Variants in SUPT6H observed in about 807,000 individuals in gnomAD.
SUPT6H encodes the protein SPT6 homolog, histone chaperone and transcription elongation factor.
SUPT6H carries 11 observed loss-of-function variants against 222.3 expected under a neutral mutation model. The observed-to-expected ratio is 0.05, with a 90% CI of 0.03 to 0.08. The LOEUF (loss-of-function observed/expected upper bound fraction) is 0.08, where lower values mean the gene tolerates loss of function less well. Among genes scored for constraint, SUPT6H ranks in the 10% least tolerant of loss-of-function variants. The pLI, the probability that SUPT6H is intolerant of heterozygous loss-of-function variation, is 1.00. For synonymous variants in SUPT6H, 762 were observed against 801.2 expected, an observed-to-expected ratio of 0.95 and a Z score of 0.83; for missense variants, 1,422 against 2,216.0, an observed-to-expected ratio of 0.64 and a Z score of 7.19.
chr17:28,686,262 T>C, intron 19 of SUPT6H, 77 bp from the exon 20 acceptor site: 1 of 1,328,184 alleles, frequency 7.5e-7, no homozygotes, highest in Non-Finnish European at 1.1e-6. Context: ...TTACAAGATC[T>C]CCAACATAGG....
intron 30 of SUPT6H, 118 bp from the exon 31 acceptor site, chr17:28,697,502 G>A (rs1176740557): frequency 2.7e-6 from 2 of 734,394 alleles, no homozygotes; most frequent in African/African-American, 1.8e-5. Context: ...GATAAACTGA[G>A]GGGACTTTGC....
intron 11 of SUPT6H, 173 bp from the exon 12 acceptor site, chr17:28,681,083 A>G (rs1018145304): frequency 1.5e-6 from 1 of 664,634 alleles, no homozygotes; most frequent in African/African-American, 1.8e-5. Flanking sequence ...TGGGCAACAG[A>G]GTGAGACCCT....
intron 30 of SUPT6H, 92 bp from the exon 31 acceptor site, chr17:28,697,528 C>T (rs1455486872): frequency 6.0e-6 from 6 of 993,648 alleles, no homozygotes. Flanking sequence ...ACTGAGAAGC[C>T]CATCCCCTCC....
chr17:28,695,015 G>A, intron 28 of SUPT6H: 1 of 242,478 alleles, frequency 4.1e-6, no homozygotes, highest in East Asian at 9.9e-5. Flanking sequence ...AAAAAGGAGG[G>A]GGGGTGTTGG....
At chr17:28,689,621 G>A (rs1398998658) in intron 25 of SUPT6H, 60 bp downstream of exon 25, 2 of 1,536,796 alleles carry the variant, frequency 1.3e-6, no homozygotes, top group African/African-American at 2.7e-5. Flanking sequence ...AGGTTGGTAG[G>A]AGACTTGGGC....
At chr17:28,674,043 G>A (rs532663544) in intron 2 of SUPT6H, among the ~76,000 whole-genome samples, 2 of 152,328 alleles carry the variant, frequency 1.3e-5, no homozygotes, top group South Asian at 2.1e-4. Context: ...AGAAGCCAAA[G>A]TGACGGGGAA....
intron 4 of SUPT6H, 31 bp downstream of exon 4, chr17:28,674,644 G>A (rs779609091): frequency 1.9e-6 from 3 of 1,606,566 alleles, no homozygotes; most frequent in African/African-American, 2.7e-5. Context: ...TTTGTCCCTG[G>A]GGGTAAAGGA....
At position 28,701,589 on chromosome 17, in the gene SUPT6H, C is replaced by A. The variant is rs781449462; in HGVS notation, c.5145C>A (p.Gly1715=). 6.2e-7 allele frequency: 1 copy of A among 1,613,466 alleles called. No homozygotes were observed. Among genetic ancestry groups the A allele is most frequent in the Admixed American group, 1.7e-5 (1 of 60,006 alleles). ...MIESTPMSIA[G]DATPLLDEMD... is the part of the protein sequence containing the mutation. ...AAAGCACCCCCATGTCCATTGCTGGCGATGCCACCCCACTCCTGGACGAGA... is the reference window on the plus strand; with the variant it reads ...AAAGCACCCCCATGTCCATTGCTGGAGATGCCACCCCACTCCTGGACGAGA... Residue 1715 remains glycine (G), a synonymous_variant, in exon 37 of 37, where the codon GGC becomes GGA. Coordinates refer to ENST00000314616, the MANE Select transcript of SUPT6H (RefSeq NM_003170.5).
At chr17:28,662,721 G>C (rs2072080172) in intron 1 of SUPT6H, among the ~76,000 whole-genome samples, 1 of 152,228 alleles carries the variant, frequency 6.6e-6, no homozygotes, top group Non-Finnish European at 1.5e-5. Flanking sequence ...TATGAATCCT[G>C]TGGAGCTTTC....
In SUPT6H at chr17:28,701,878, G is replaced by A. The variant is rs2032150916; in HGVS notation, c.*253G>A. On this transcript the variant is annotated 3_prime_UTR_variant, in exon 37 of 37. Coordinates refer to ENST00000314616, the MANE Select transcript of SUPT6H (RefSeq NM_003170.5). ...GGGACCAGGCTGGGAGGGGAGTGTG[G>A]CAGGGAGGAGGAAGAGGAAGGTGAG... 4.0e-6 allele frequency: 2 copies of A among 503,724 alleles called. No homozygotes were observed. The highest frequency in any genetic ancestry group is 6.9e-5 in the South Asian group (2 of 28,990). The allele number at this position is 503,724 out of a possible 1,614,324, so 31.2% of individuals were successfully genotyped here.
chr17:28,681,165 A>G (rs2031082463), intron 11 of SUPT6H, 91 bp from the exon 12 acceptor site: 3 of 1,420,948 alleles, frequency 2.1e-6, no homozygotes, highest in South Asian at 1.2e-5. Context: ...TAGTTGGGAT[A>G]CTGCCTTTTG....
intron 7 of SUPT6H, among the ~76,000 whole-genome samples, chr17:28,677,414 G>A (rs532069530): frequency 4.6e-5 from 7 of 151,442 alleles, no homozygotes; most frequent in East Asian, 1.9e-4. Context: ...GCGTGGTGGC[G>A]GGCACCTATG....
intron 27 of SUPT6H, among the ~76,000 whole-genome samples, chr17:28,693,171 A>G (rs2031750889): frequency 6.6e-6 from 1 of 151,562 alleles, no homozygotes; most frequent in Non-Finnish European, 1.5e-5. Flanking sequence ...CTGTCATAAG[A>G]AAAAGATGGC....
In SUPT6H at chr17:28,682,749, G is replaced by T. The variant is rs143056714; in HGVS notation, c.1620G>T (p.Gly540=). The change falls in exon 14 of 37, where the codon GGG becomes GGT. Residue 540 remains glycine (G), a synonymous_variant. Coordinates refer to ENST00000314616, the MANE Select transcript of SUPT6H (RefSeq NM_003170.5). ...AGLDGLAKKF[G]LTPEQFGENL... ...TAGATGGCCTGGCCAAAAAGTTTGGGCTTACTCCCGAGCAGTTTGGGGAGA... is the reference window on the plus strand; with the variant it reads ...TAGATGGCCTGGCCAAAAAGTTTGGTCTTACTCCCGAGCAGTTTGGGGAGA... 3.5e-5 allele frequency: 57 copies of T among 1,614,084 alleles called. No individual in the cohort carries two copies. The African/African-American group carries it at 6.1e-4, about 17-fold the overall frequency.
chr17:28,687,462 C>T lies in SUPT6H; in HGVS notation c.2997C>T (p.His999=), dbSNP rs760246237. The change falls in exon 23 of 37, where the codon CAC becomes CAT. Residue 999 remains histidine, a synonymous_variant. Transcript: ENST00000314616. The part of the protein sequence containing the change: ...VCGLGPRKGT[H]LLKILKQNNT... The stretch of plus-strand genomic sequence containing the variant: ...GCCTGGGACCTCGGAAAGGGACCCA[C>T]CTCCTGAAGGTAGGATTGGAGTGAA... 1.2e-6 allele frequency: 2 copies of T among 1,614,022 alleles called. No individual in the cohort carries two copies. Among genetic ancestry groups the T allele is most frequent in the Non-Finnish European group, 1.7e-6 (2 of 1,179,988 alleles).
At chr17:28,699,739 T>C in intron 32 of SUPT6H, 42 bp from the exon 33 acceptor site, 2 of 1,549,988 alleles carry the variant, frequency 1.3e-6, no homozygotes, top group Non-Finnish European at 1.8e-6. Context: ...TTGTGGTGGG[T>C]CCCAAGTGGT....
intron 11 of SUPT6H, among the ~76,000 whole-genome samples, chr17:28,679,626 C>T (rs761302010): frequency 6.6e-5 from 10 of 151,778 alleles, no homozygotes; most frequent in Admixed American, 2.0e-4. Flanking sequence ...GTGATCTGCC[C>T]GCCTCGGCCT....
intron 4 of SUPT6H, 109 bp from the exon 5 acceptor site, chr17:28,674,861 C>T: frequency 2.3e-6 from 3 of 1,326,594 alleles, no homozygotes; most frequent in Non-Finnish European, 2.1e-6. Context: ...TCTTTCCCAT[C>T]TCTCTTGGTC....
Position 28,690,108 on chromosome 17 carries a change from C to T in SUPT6H, c.3369C>T (p.Leu1123=), listed in dbSNP as rs372560023. 6.2e-7 allele frequency: 1 copy of T among 1,613,122 alleles called. No individual in the cohort carries two copies. The highest frequency in any genetic ancestry group is 8.5e-7 in the Non-Finnish European group (1 of 1,179,958). Residue 1123 remains leucine, a synonymous_variant, in exon 26 of 37, where the codon CTC becomes CTT. Coordinates refer to ENST00000314616, the MANE Select transcript of SUPT6H (RefSeq NM_003170.5). The stretch of plus-strand genomic sequence containing the variant: ...GCTATGGTGACAAACACATCACACT[C>T]TATGACATCCGGGCAGAGCTGAGCT... ...RQGYGDKHIT[L]YDIRAELSCR...
Sources: allele counts gnomAD v4.1 joint callset (sites outside exome capture counted in the v4.1 genomes callset), GRCh38; gene constraint gnomAD v4.1.1; transcripts MANE v1.5; gene names NCBI Gene and HGNC (gene_info 2026-07-23, HGNC 2026-07-21).